DIXDC1: variants seen among roughly 807,000 people sequenced by gnomAD.
DIXDC1 encodes the protein dixin.
In DIXDC1, 64 loss-of-function variants were observed where a neutral mutation model predicts 103.1. That is an observed-to-expected ratio of 0.62 (90% CI 0.51 to 0.76). The LOEUF (loss-of-function observed/expected upper bound fraction) is 0.76, where lower values mean the gene tolerates loss of function less well. DIXDC1 is among the 30% of genes least tolerant of loss of function. The pLI is 0.00. For missense variants in DIXDC1, 759 were observed against 834.2 expected, an observed-to-expected ratio of 0.91 and a Z score of 1.11; for synonymous variants, 266 against 298.5, an observed-to-expected ratio of 0.89 and a Z score of 1.12.
Position 111,992,475 on chromosome 11 carries a change from C to G in DIXDC1, c.1174C>G (p.Leu392Val), listed in dbSNP as rs1015150630. The G allele has an allele frequency of 6.3e-7, 1 of 1,580,370 alleles. No individual in the cohort carries two copies. Among genetic ancestry groups the G allele is most frequent in the Non-Finnish European group, 8.6e-7 (1 of 1,162,400 alleles). Reference protein sequence around the residue: ...DTSVLQLKQELLRANMDKDEL... With the variant: ...DTSVLQLKQEVLRANMDKDEL... ...ATCTGTTCTTCAGCTCAAACAAGAG[C>G]TACTGAGGGCAAATATGGACAAAGA... The change falls in exon 11 of 20, where the codon CTA becomes GTA. Residue 392 changes from leucine to valine, a missense_variant. Leu to Val is a conservative substitution (Grantham distance 32). This residue lies in a region of DIXDC1 where 657 missense variants were observed against 727.5 expected (regional missense o/e 0.90). Transcript: ENST00000440460.
intron 2 of DIXDC1, among the ~76,000 whole-genome samples, chr11:111,967,676 C>A (rs1184800482): frequency 6.6e-5 from 10 of 152,222 alleles, no homozygotes. Flanking sequence ...AGACAATTCC[C>A]CTGCCTTGGC....
intron 3 of DIXDC1, among the ~76,000 whole-genome samples, chr11:111,971,435 T>A (rs587663711): frequency 6.6e-6 from 1 of 152,312 alleles, no homozygotes; most frequent in East Asian, 1.9e-4. Flanking sequence ...GGATGGCTTT[T>A]GTTAAAAAGT....
chr11:111,939,133 A>G (rs1262479651), intron 1 of DIXDC1, among the ~76,000 whole-genome samples: 2 of 152,212 alleles, frequency 1.3e-5, no homozygotes, highest in Admixed American at 6.5e-5. Flanking sequence ...CCCCAACTTA[A>G]CAACAACAAC....
At chr11:111,937,307 G>A (rs1454223621), upstream of DIXDC1, 17 of 1,337,190 alleles carry the variant, frequency 1.3e-5, no homozygotes, top group Non-Finnish European at 1.4e-5. Context: ...CCCTCCAGCG[G>A]AGGCCCCCGT....
At chr11:111,987,871 G>A (rs1040754652) in intron 9 of DIXDC1, among the ~76,000 whole-genome samples, 11 of 151,912 alleles carry the variant, frequency 7.2e-5, no homozygotes, top group Admixed American at 3.9e-4. Context: ...TGTTGGCCAG[G>A]CTTGTCTTGA....
At chr11:111,946,298 C>T (rs779388108) in intron 1 of DIXDC1, among the ~76,000 whole-genome samples, 3 of 152,058 alleles carry the variant, frequency 2.0e-5, no homozygotes, top group African/African-American at 4.8e-5. Context: ...TTAGTAGAGA[C>T]GGGGTTTCAC....
At chr11:111,983,303 C>T (rs1163631693) in intron 7 of DIXDC1, among the ~76,000 whole-genome samples, 1 of 152,206 alleles carries the variant, frequency 6.6e-6, no homozygotes, top group African/African-American at 2.4e-5. Flanking sequence ...GGGCGTGCTC[C>T]CAGCTAGCCT....
chr11:111,939,690 T>A (rs183132781), intron 1 of DIXDC1, among the ~76,000 whole-genome samples: 1 of 152,352 alleles, frequency 6.6e-6, no homozygotes, highest in Admixed American at 6.5e-5. Flanking sequence ...ACATTCTATA[T>A]TAAATAATTC....
chr11:112,014,384 G>A (rs1861523351), intron 17 of DIXDC1, among the ~76,000 whole-genome samples: 1 of 152,182 alleles, frequency 6.6e-6, no homozygotes, highest in Non-Finnish European at 1.5e-5. Context: ...TATTCATTAT[G>A]CTCCAGCCTT....
intron 1 of DIXDC1, among the ~76,000 whole-genome samples, chr11:111,957,290 CATA>C (rs1297929214): frequency 6.6e-5 from 10 of 152,066 alleles, no homozygotes; most frequent in African/African-American, 2.4e-4. Flanking sequence ...TGGGAACCAC[CATA>C]ATAATAATTG....
intron 14 of DIXDC1, 83 bp downstream of exon 14, chr11:111,993,823 C>T: frequency 6.7e-7 from 1 of 1,489,904 alleles, no homozygotes; most frequent in Non-Finnish European, 9.2e-7. Context: ...TGAACCAAGG[C>T]CACAGGCTTG....
At chr11:111,929,779 G>A in intron 1 of DIXDC1, 1 of 1,361,618 alleles carries the variant, frequency 7.3e-7, no homozygotes, top group Non-Finnish European at 9.9e-7. Flanking sequence ...TTTTTTCCTG[G>A]CTTGTTATTT....
intron 17 of DIXDC1, among the ~76,000 whole-genome samples, chr11:112,002,980 C>G (rs1861115852): frequency 6.6e-6 from 1 of 151,982 alleles, no homozygotes; most frequent in African/African-American, 2.4e-5. Flanking sequence ...GTGAAATAAG[C>G]CAGGCACAGA....
At chr11:111,993,098 C>T in intron 12 of DIXDC1, 94 bp downstream of exon 12, 1 of 1,383,786 alleles carries the variant, frequency 7.2e-7, no homozygotes, top group Non-Finnish European at 9.8e-7. Flanking sequence ...ATTCTATTTT[C>T]ATCCTTTTTG....
At chr11:111,996,672 G>A (rs1011666891) in intron 17 of DIXDC1, among the ~76,000 whole-genome samples, 4 of 151,936 alleles carry the variant, frequency 2.6e-5, no homozygotes, top group Non-Finnish European at 5.9e-5. Context: ...CCAACATGGT[G>A]AACCCCATCT....
Position 111,977,174 on chromosome 11 carries a change from G to GGC in DIXDC1, c.656+2191_656+2192insGC. 1 of 345,812 alleles carries GGC rather than the reference G, an allele frequency of 2.9e-6. No homozygotes were observed. The highest frequency in any genetic ancestry group is 4.0e-6 in the Non-Finnish European group (1 of 249,106). The allele number at this position is 345,812 out of a possible 1,614,324, so 21.4% of individuals were successfully genotyped here. ...CCCACCCCCACCTCCACCCCGCCCAGCCCCGCCCCTGGCCCGCACCCTCAA... is the reference window on the plus strand; with the variant it reads ...CCCACCCCCACCTCCACCCCGCCCAGGCCCCCGCCCCTGGCCCGCACCCTCAA... On this transcript the variant is annotated intron_variant, in intron 5 of 19. Transcript: ENST00000440460. This position sits in a 1 kb window ranked among gnomAD's most constrained non-coding sequence, Gnocchi z 6.1.
Position 111,992,983 on chromosome 11 carries a change from C to G in DIXDC1, c.1251C>G (p.Asn417Lys), listed in dbSNP as rs1555174719. The G allele has an allele frequency of 6.2e-7, 1 of 1,607,768 alleles. No individual in the cohort carries two copies. Among genetic ancestry groups the G allele is most frequent in the South Asian group, 1.1e-5 (1 of 89,188 alleles). Residue 417 changes from asparagine to lysine, a missense_variant, in exon 12 of 20, where the codon AAC (asparagine) becomes AAG (lysine). By Grantham distance (94) the Asn-to-Lys change is moderately conservative (BLOSUM62 0). This residue lies in a region of DIXDC1 where 657 missense variants were observed against 727.5 expected (regional missense o/e 0.90). Coordinates refer to ENST00000440460, the MANE Select transcript of DIXDC1 (RefSeq NM_001037954.4). ...TGCAGAGGAAGCTAGATGAGAGGAA[C>G]CGGCTCTTGGGAGAATATAAAGTAA... ...VDLQRKLDER[N>K]RLLGEYKKEL...
At chr11:112,004,098 A>ATG (rs1303011744) in intron 17 of DIXDC1, among the ~76,000 whole-genome samples, 4 of 148,376 alleles carry the variant, frequency 2.7e-5, no homozygotes, top group African/African-American at 7.4e-5. Flanking sequence ...GTGTATATAT[A>ATG]TGTGTGTGTA....
intron 1 of DIXDC1, chr11:111,946,950 A>T (rs1966617303): frequency 5.8e-6 from 1 of 171,384 alleles, no homozygotes; most frequent in African/African-American, 2.3e-5. Flanking sequence ...TCAATATTCC[A>T]GATATTTCCA....
Sources: gnomAD v4.1 joint callset for allele counts (sites outside exome capture counted in the v4.1 genomes callset) on GRCh38, gnomAD v4.1.1 for gene constraint, gnomAD v4.1.1 regional missense constraint, Gnocchi (gnomAD v3.1) non-coding constraint, MANE v1.5 for transcripts, NCBI Gene and HGNC (gene_info 2026-07-23, HGNC 2026-07-21) for gene names.